PATJ: variants seen among roughly 807,000 people sequenced by gnomAD.
The protein encoded by PATJ is PATJ crumbs cell polarity complex component, also known as inaD-like protein.
In PATJ, 190 loss-of-function variants were observed where a neutral mutation model predicts 224.9. That is an observed-to-expected ratio of 0.84 (90% CI 0.75 to 0.95). The LOEUF (loss-of-function observed/expected upper bound fraction) is 0.95, where lower values mean the gene tolerates loss of function less well. Among genes scored for constraint, PATJ ranks in the 40% least tolerant of loss-of-function variants. PATJ has a pLI of 0.00. For synonymous variants in PATJ, 769 were observed against 820.3 expected, an observed-to-expected ratio of 0.94 and a Z score of 1.07; for missense variants, 2,121 against 2,270.3, an observed-to-expected ratio of 0.93 and a Z score of 1.34.
At chr1:61,914,326 G>A (rs1385048285) in intron 25 of PATJ, among the ~76,000 whole-genome samples, 2 of 152,050 alleles carry the variant, frequency 1.3e-5, no homozygotes, top group Non-Finnish European at 2.9e-5. Context: ...TGTGGTGGCA[G>A]GCGCCTATTA....
At chr1:61,766,873 A>G (rs1161772532) in intron 4 of PATJ, among the ~76,000 whole-genome samples, 1 of 152,188 alleles carries the variant, frequency 6.6e-6, no homozygotes, top group East Asian at 1.9e-4. Flanking sequence ...AGGGTGGATC[A>G]CTAGAGGTCA....
rs546346361 is a variant in PATJ, at chr1:62,148,108, G to C, written c.5272-176G>C. 6.8e-3 allele frequency among the ~76,000 whole-genome samples: 361 copies of C among 52,966 alleles called. 5 individuals are homozygous for C. Among genetic ancestry groups the C allele is most frequent in the South Asian group, 0.016 (26 of 1,616 alleles). The allele number at this position is 52,966 out of a possible 152,430, so 34.7% of individuals were successfully genotyped here. The stretch of plus-strand genomic sequence containing the variant: ...TGCACTCCAACCTGAGCAACAGAGT[G>C]AGACACTGTCTTTAAAAAAAAAAAA... On this transcript the variant is annotated intron_variant, in intron 41 of 43. Transcript: ENST00000642238.
chr1:62,054,303 C>T (rs756101726), intron 31 of PATJ: 30 of 418,588 alleles, frequency 7.2e-5, no homozygotes, highest in Admixed American at 1.8e-4. Context: ...GTTGAGGTGG[C>T]AGTAAGCTGT....
rs1668503596 is a variant in PATJ, at chr1:61,884,315, A to T, written c.3038A>T (p.Asp1013Val). 1 of 1,613,630 alleles carries T rather than the reference A, an allele frequency of 6.2e-7. No individual in the cohort carries two copies. Among genetic ancestry groups the T allele is most frequent in the African/African-American group, 1.3e-5 (1 of 74,870 alleles). ...PVVAQRREQE[D>V]LPLYQHQATR... ...GTGGCTCAAAGGAGGGAGCAAGAAG[A>T]TTTGCCTTTATATCAACACCAAGCG... Residue 1013 changes from aspartate (D) to valine (V), a missense_variant, in exon 22 of 44, where the codon GAT (aspartate) becomes GTT (valine). Asp to Val is a radical substitution (Grantham distance 152, BLOSUM62 -3). Transcript: ENST00000642238.
chr1:61,878,246 C>T (rs1300147003), intron 21 of PATJ, among the ~76,000 whole-genome samples: 1 of 152,068 alleles, frequency 6.6e-6, no homozygotes, highest in African/African-American at 2.4e-5. Flanking sequence ...TCAGTGTCCT[C>T]AGTGAGGGGG....
At chr1:61,842,534 A>C (rs567112963) in intron 17 of PATJ, among the ~76,000 whole-genome samples, 13 of 152,242 alleles carry the variant, frequency 8.5e-5, no homozygotes, top group Admixed American at 7.9e-4. Context: ...AAGATGGTGA[A>C]TCTACTGTAT....
At chr1:61,808,582 G>T in intron 14 of PATJ, 52 bp downstream of exon 14, 1 of 1,149,004 alleles carries the variant, frequency 8.7e-7, no homozygotes. Flanking sequence ...TAAGAGATAG[G>T]GTCTCACTAT....
chr1:61,991,522 A>G (rs1206247503), intron 28 of PATJ: 1 of 985,270 alleles, frequency 1.0e-6, no homozygotes, highest in Non-Finnish European at 1.2e-6. Context: ...CCATAATTTT[A>G]CTTGCCTAAT....
intron 28 of PATJ, among the ~76,000 whole-genome samples, chr1:62,004,942 G>A (rs1256140086): frequency 6.6e-6 from 1 of 152,076 alleles, no homozygotes; most frequent in Non-Finnish European, 1.5e-5. Context: ...TCTTCACTCT[G>A]CATGCAGTGT....
chr1:61,870,939 T>A (rs989739057), intron 20 of PATJ, among the ~76,000 whole-genome samples: 1 of 152,166 alleles, frequency 6.6e-6, no homozygotes, highest in Non-Finnish European at 1.5e-5. Flanking sequence ...CTATCTTATG[T>A]TTTGTTTTGC....
At chr1:62,144,361 TTTTC>T (rs1570794064) in intron 41 of PATJ, among the ~76,000 whole-genome samples, 2 of 152,286 alleles carry the variant, frequency 1.3e-5, no homozygotes, top group South Asian at 4.1e-4. Flanking sequence ...GGCAGGCCTA[TTTTC>T]TTTCTTTTTC....
In PATJ at chr1:61,993,547, C is replaced by T. The variant is rs372714381; in HGVS notation, c.3867+3183C>T. On this transcript the variant is annotated intron_variant, in intron 28 of 43. Transcript: ENST00000642238. ...GGCAATCATCTCCCATTCAAGAACC[C>T]ACCAAGAGTTGCCTCATTAGAACAA... Among the ~76,000 whole-genome samples, 9 of 152,228 alleles carry T rather than the reference C, an allele frequency of 5.9e-5. No homozygotes were observed. In the East Asian group the frequency reaches 1.4e-3, roughly 23 times the overall value.
intron 40 of PATJ, 71 bp downstream of exon 40, chr1:62,128,165 A>T: frequency 3.2e-6 from 5 of 1,584,918 alleles, no homozygotes; most frequent in Non-Finnish European, 4.3e-6. Flanking sequence ...AGCCCTGGGC[A>T]CCTTGTTTAA....
At chr1:62,158,602 T>C (rs1385001914) in intron 43 of PATJ, among the ~76,000 whole-genome samples, 1 of 147,816 alleles carries the variant, frequency 6.8e-6, no homozygotes, top group African/African-American at 2.4e-5. Flanking sequence ...GCGCCTGTAG[T>C]CCCAGCTACT....
intron 26 of PATJ, among the ~76,000 whole-genome samples, chr1:61,918,673 G>T (rs1225486497): frequency 1.3e-5 from 2 of 151,980 alleles, no homozygotes; most frequent in Non-Finnish European, 2.9e-5. Flanking sequence ...TCTGAAATAG[G>T]TAATTATGGC....
At position 61,980,780 on chromosome 1, in the gene PATJ, G is replaced by A. The variant is rs138893375; in HGVS notation, c.3671-9388G>A. Among the ~76,000 whole-genome samples the A allele has an allele frequency of 1.5e-3, 230 of 152,190 alleles. 10 individuals carry two copies. The East Asian group carries it at 0.04, about 26-fold the overall frequency. ...AGTGGAGCCACATGTCTGATACTGC[G>A]CAACAGTTTGTGCTGACTCAGCCAT... On this transcript the variant is annotated intron_variant, in intron 27 of 43. Transcript: ENST00000642238.
At chr1:62,115,320 T>TAAATAAATAA (rs1664335781) in intron 35 of PATJ, among the ~76,000 whole-genome samples, 2 of 151,452 alleles carry the variant, frequency 1.3e-5, no homozygotes, top group South Asian at 4.2e-4. Context: ...CAAAAATAAA[T>TAAATAAATAA]AAATAAATAA....
rs533186698 is a variant in PATJ at position 62,005,417 on chromosome 1, GT to G, written c.3868-12424del. 6.1e-3 allele frequency among the ~76,000 whole-genome samples: 710 copies of G among 116,328 alleles called. 1 individual carries two copies. Among genetic ancestry groups the G allele is most frequent in the African/African-American group, 0.011 (410 of 37,424 alleles). The allele number at this position is 116,328 out of a possible 152,430, so 76.3% of individuals were successfully genotyped here. ...CTATAAAAATATTCAATATGATGTG[GT>G]TTTTTTTTTTTTTTCGTCTGTGTGT... On this transcript the variant is annotated intron_variant, in intron 28 of 43. Transcript: ENST00000642238.
At chr1:62,053,707 G>A (rs1297401957) in intron 31 of PATJ, among the ~76,000 whole-genome samples, 6 of 140,554 alleles carry the variant, frequency 4.3e-5, no homozygotes, top group African/African-American at 1.3e-4. Flanking sequence ...CAAGAAGAGC[G>A]AAATTCCGTC....
Sources: gnomAD v4.1 joint callset for allele counts (sites outside exome capture counted in the v4.1 genomes callset) on GRCh38, gnomAD v4.1.1 for gene constraint, MANE v1.5 for transcripts, NCBI Gene and HGNC (gene_info 2026-07-23, HGNC 2026-07-21) for gene names.